Variants in ROBO1 observed in about 807,000 individuals in gnomAD.
ROBO1 encodes roundabout homolog 1.
A neutral mutation model predicts 195.9 loss-of-function variants in ROBO1; 149 were observed. That is an observed-to-expected ratio of 0.76 (90% CI 0.67 to 0.87). ROBO1 has a LOEUF of 0.87. Among genes scored for constraint, ROBO1 ranks in the 40% least tolerant of loss-of-function variants. ROBO1 has a pLI of 0.00. For synonymous variants in ROBO1, 816 were observed against 733.2 expected (o/e 1.11, Z -1.82); for missense variants, 1,933 against 2,068.3 (o/e 0.93, Z 1.27).
chr3:79,487,706 CA>C (rs1264375749), intron 2 of ROBO1, among the ~76,000 whole-genome samples: 5 of 151,816 alleles, frequency 3.3e-5, no homozygotes, highest in African/African-American at 1.2e-4. Context: ...ACCTCTCCTA[CA>C]GGCTTCTGAA....
At chr3:79,044,827 C>T (rs1373043526) in intron 3 of ROBO1, among the ~76,000 whole-genome samples, 3 of 151,934 alleles carry the variant, frequency 2.0e-5, no homozygotes, top group African/African-American at 7.3e-5. Context: ...GAGTTGTAAT[C>T]AGACCCAGCC....
chr3:78,743,068 G>C (rs149560023), intron 5 of ROBO1, among the ~76,000 whole-genome samples: 1 of 152,036 alleles, frequency 6.6e-6, no homozygotes, highest in Non-Finnish European at 1.5e-5. Context: ...ACATACACAA[G>C]CATACACACA....
At chr3:79,387,800 A>G (rs1295854811) in intron 2 of ROBO1, among the ~76,000 whole-genome samples, 1 of 152,214 alleles carries the variant, frequency 6.6e-6, no homozygotes, top group Admixed American at 6.6e-5. Flanking sequence ...AAACTTTGCA[A>G]TAGCAATATT....
intron 2 of ROBO1, among the ~76,000 whole-genome samples, chr3:79,396,478 A>G (rs1334849654): frequency 6.6e-6 from 1 of 152,116 alleles, no homozygotes; most frequent in East Asian, 1.9e-4. Flanking sequence ...AACATTAAAA[A>G]AAAGTACCTT....
intron 27 of ROBO1, 30 bp downstream of exon 27, chr3:78,617,605 C>A: frequency 6.4e-7 from 1 of 1,563,576 alleles, no homozygotes; most frequent in Non-Finnish European, 8.7e-7. Context: ...AGTTTTCTTT[C>A]CCAGCTTGGT....
At chr3:79,092,256 C>T (rs571328641) in intron 3 of ROBO1, among the ~76,000 whole-genome samples, 1 of 152,054 alleles carries the variant, frequency 6.6e-6, no homozygotes, top group Non-Finnish European at 1.5e-5. Flanking sequence ...TCCCGAAGAT[C>T]GCAAAAGCTG....
At chr3:79,737,918 T>C (rs1209069053) in intron 1 of ROBO1, among the ~76,000 whole-genome samples, 1 of 152,166 alleles carries the variant, frequency 6.6e-6, no homozygotes, top group Non-Finnish European at 1.5e-5. Flanking sequence ...TTTCACCACC[T>C]ATCTTCACAT....
chr3:79,081,258 C>G, intron 3 of ROBO1, among the ~76,000 whole-genome samples: 2 of 151,998 alleles, frequency 1.3e-5, no homozygotes, highest in South Asian at 2.1e-4. Flanking sequence ...CAGTCCTCCC[C>G]CTCCTGCTAA....
intron 2 of ROBO1, among the ~76,000 whole-genome samples, chr3:79,528,598 T>A (rs949565451): frequency 7.2e-5 from 11 of 152,172 alleles, no homozygotes; most frequent in African/African-American, 2.7e-4. Flanking sequence ...AGTTTAGTGC[T>A]TACTAGTGTC....
At chr3:78,800,013 A>G (rs189561865) in intron 4 of ROBO1, among the ~76,000 whole-genome samples, 77 of 152,288 alleles carry the variant, frequency 5.1e-4, no homozygotes, top group Non-Finnish European at 9.6e-4. Flanking sequence ...ACAGGGCCTC[A>G]TGACACATTG....
At chr3:79,145,362 CACACACACAT>C (rs774915078) in intron 2 of ROBO1, among the ~76,000 whole-genome samples, 6,377 of 25,224 alleles carry the variant, frequency 0.25, 117 homozygotes, top group Middle Eastern at 0.42. Context: ...GCCAGAAATA[CACACACACAT>C]ACACACACAC....
intron 1 of ROBO1, among the ~76,000 whole-genome samples, chr3:79,658,229 G>A (rs572607194): frequency 5.3e-5 from 8 of 152,136 alleles, no homozygotes; most frequent in Middle Eastern, 3.4e-3. Flanking sequence ...GTGCCCACCC[G>A]TATGTCAGTG....
intron 3 of ROBO1, among the ~76,000 whole-genome samples, chr3:78,956,472 A>C (rs886136510): frequency 2.5e-4 from 38 of 152,296 alleles, no homozygotes; most frequent in Middle Eastern, 3.4e-3. Context: ...AGCCATAAAA[A>C]CCAGTTTTGT....
At chr3:79,018,843 A>G in intron 3 of ROBO1, 1 of 1,007,176 alleles carries the variant, frequency 9.9e-7, no homozygotes, top group Non-Finnish European at 1.2e-6. Flanking sequence ...CGCCGCTGCG[A>G]GGGCAGGCGC....
chr3:78,636,702 C>T (rs965723798), intron 22 of ROBO1, among the ~76,000 whole-genome samples: 3 of 151,260 alleles, frequency 2.0e-5, no homozygotes, highest in Middle Eastern at 3.4e-3. Flanking sequence ...AATCATTATC[C>T]GGAAAACATG....
intron 2 of ROBO1, among the ~76,000 whole-genome samples, chr3:79,203,502 G>T (rs968959697): frequency 1.3e-5 from 2 of 152,140 alleles, no homozygotes; most frequent in Non-Finnish European, 2.9e-5. Flanking sequence ...AGTCAAGTGG[G>T]TTGCAAACTC....
chr3:78,918,135 G>C (rs943511179), intron 4 of ROBO1, among the ~76,000 whole-genome samples: 1 of 152,116 alleles, frequency 6.6e-6, no homozygotes, highest in Admixed American at 6.6e-5. Context: ...GTGAATAGTA[G>C]ATTTTTAATC....
At chr3:79,244,681 C>T (rs766252780) in intron 2 of ROBO1, among the ~76,000 whole-genome samples, 2 of 151,996 alleles carry the variant, frequency 1.3e-5, no homozygotes, top group South Asian at 2.1e-4. Context: ...AACCAAGTTT[C>T]GTATCTATGC....
chr3:78,973,861 TGTA>T (rs758766209), intron 3 of ROBO1, among the ~76,000 whole-genome samples: 8 of 152,030 alleles, frequency 5.3e-5, no homozygotes, highest in Non-Finnish European at 8.8e-5. Flanking sequence ...GAGGTGGACA[TGTA>T]GTACAGTCAC....
Sources: allele counts gnomAD v4.1 joint callset (sites outside exome capture counted in the v4.1 genomes callset), GRCh38; gene constraint gnomAD v4.1.1; transcripts MANE v1.5; gene names NCBI Gene and HGNC (gene_info 2026-07-23, HGNC 2026-07-21).